The following CDK14 variants were observed in gnomAD, a reference collection of about 807,000 sequenced individuals.
CDK14 encodes the protein cyclin dependent kinase 14, also known as cyclin-dependent kinase 14.
In CDK14, 34 loss-of-function variants were observed where a neutral mutation model predicts 60.7. That is an observed-to-expected ratio of 0.56 (90% CI 0.43 to 0.75). CDK14 has a LOEUF of 0.75. Ranked by LOEUF, CDK14 falls within the 30% of genes least tolerant of loss-of-function variation. The pLI is 0.00. For synonymous variants in CDK14, 197 were observed against 203.7 expected (o/e 0.97, Z 0.28); for missense variants, 482 against 564.1 (o/e 0.85, Z 1.47).
chr7:90,797,843 GA>G lies in CDK14; in HGVS notation c.544+7192del, dbSNP rs148218500. ...CTATTGATATGACAACACGAAGGGG[GA>G]TGGTGTTAAACCATGATAAACCACC... On this transcript the variant is annotated intron_variant, in intron 5 of 14. Transcript: ENST00000380050. 2.6e-3 allele frequency among the ~76,000 whole-genome samples: 399 copies of G among 152,028 alleles called. 4 individuals carry two copies. The highest frequency in any genetic ancestry group is 4.2e-3 in the Non-Finnish European group (285 of 68,020).
chr7:91,033,280 C>T (rs1417880314), intron 10 of CDK14, among the ~76,000 whole-genome samples: 1 of 152,172 alleles, frequency 6.6e-6, no homozygotes, highest in Non-Finnish European at 1.5e-5. Flanking sequence ...GTTTTCCATG[C>T]AGTCTTTATC....
At chr7:90,834,874 A>C (rs975180447) in intron 5 of CDK14, among the ~76,000 whole-genome samples, 6 of 152,198 alleles carry the variant, frequency 3.9e-5, no homozygotes, top group Non-Finnish European at 7.3e-5. Context: ...TTGGCAGCTG[A>C]TGTATAAGGC....
At chr7:90,979,861 T>C (rs139419097) in intron 9 of CDK14, 1 of 152,332 alleles carries the variant, frequency 6.6e-6, no homozygotes, top group African/African-American at 2.4e-5. Context: ...TTTTACTTTG[T>C]TTTCCTGAAT....
rs575258906 is a variant in CDK14 at position 90,883,067 on chromosome 7, G to C, written c.640-16224G>C. On this transcript the variant is annotated intron_variant, in intron 6 of 14. Coordinates refer to ENST00000380050, the MANE Select transcript of CDK14 (RefSeq NM_001287135.2). ...CAATAGCAAATGAATCCAAAAGCTA[G>C]CAGAAGACAGGAAATAACTAAGATC... Among the ~76,000 whole-genome samples the C allele has an allele frequency of 1.4e-3, 216 of 151,766 alleles. 1 individual carries two copies. The highest frequency in any genetic ancestry group is 2.3e-3 in the Non-Finnish European group (158 of 67,954).
chr7:90,784,329 G>A (rs752041022), intron 4 of CDK14, among the ~76,000 whole-genome samples: 3 of 151,940 alleles, frequency 2.0e-5, no homozygotes, highest in Admixed American at 2.0e-4. Context: ...ACAGATAGAA[G>A]GAATAAGACC....
chr7:90,756,953 AT>A (rs920091313), intron 4 of CDK14, among the ~76,000 whole-genome samples: 72 of 152,266 alleles, frequency 4.7e-4, no homozygotes, highest in African/African-American at 1.7e-3. Context: ...CATAAGCTTC[AT>A]TGTATTAGTT....
chr7:91,152,677 C>A (rs1213099933), intron 14 of CDK14, among the ~76,000 whole-genome samples: 1 of 152,102 alleles, frequency 6.6e-6, no homozygotes, highest in Non-Finnish European at 1.5e-5. Flanking sequence ...GCTTAGGGAA[C>A]TGACAAATGA....
chr7:90,667,769 C>A (rs2116522008), intron 2 of CDK14, among the ~76,000 whole-genome samples: 1 of 152,218 alleles, frequency 6.6e-6, no homozygotes, highest in East Asian at 1.9e-4. Context: ...CGGGGTTTCA[C>A]CGTGTTAGCC....
chr7:90,720,519 TCTATTTAAGCATTGTTTACTGAC>T (rs1232536324), intron 2 of CDK14, among the ~76,000 whole-genome samples: 5 of 152,194 alleles, frequency 3.3e-5, no homozygotes, highest in South Asian at 4.1e-4. Flanking sequence ...CCAATTTGTT[TCTATTTAAGCATTGTTTACTGAC>T]CTAATTAAAT....
chr7:91,206,988 G>A (rs2116028967), intron 14 of CDK14, among the ~76,000 whole-genome samples, 177 bp from the exon 15 acceptor site: 1 of 152,238 alleles, frequency 6.6e-6, no homozygotes, highest in Admixed American at 6.5e-5. Context: ...TATCATATTA[G>A]AAGGATTTTT....
intron 14 of CDK14, among the ~76,000 whole-genome samples, chr7:91,139,641 A>T (rs1304280355): frequency 6.6e-6 from 1 of 152,246 alleles, no homozygotes; most frequent in Non-Finnish European, 1.5e-5. Context: ...AAAAGTTTGA[A>T]TGAATGATTT....
intron 6 of CDK14, among the ~76,000 whole-genome samples, chr7:90,891,820 T>C (rs1792134447): frequency 6.6e-6 from 1 of 152,194 alleles, no homozygotes; most frequent in African/African-American, 2.4e-5. Context: ...TGGAAACAAA[T>C]ACATGTGTTC....
At position 90,911,512 on chromosome 7, in the gene CDK14, C is replaced by T. The variant is rs148569354; in HGVS notation, c.703-6089C>T. On this transcript the variant is annotated intron_variant, in intron 7 of 14. Transcript: ENST00000380050. ...ATCTTCTGAAAGCCCTGAGAGACCC[C>T]GCACATTCCTTAAAAGAAGTTGACA... 2.4e-4 allele frequency among the ~76,000 whole-genome samples: 37 copies of T among 152,212 alleles called. 1 individual carries two copies. In the East Asian group the frequency reaches 6.2e-3, roughly 25 times the overall value.
intron 11 of CDK14, among the ~76,000 whole-genome samples, chr7:91,065,402 T>G (rs1797946375): frequency 6.6e-6 from 1 of 152,206 alleles, no homozygotes; most frequent in African/African-American, 2.4e-5. Flanking sequence ...GTAACATACA[T>G]ATTATTCTAA....
intron 10 of CDK14, among the ~76,000 whole-genome samples, chr7:91,002,813 G>A (rs1795878264): frequency 6.6e-6 from 1 of 152,112 alleles, no homozygotes. Context: ...GTGGTTCACA[G>A]CTGTAATTCA....
At chr7:90,912,711 G>C (rs117265655) in intron 7 of CDK14, among the ~76,000 whole-genome samples, 21 of 152,130 alleles carry the variant, frequency 1.4e-4, no homozygotes, top group African/African-American at 4.8e-4. Context: ...GGGCTCAAGC[G>C]ATCTTCCCAC....
At chr7:91,018,305 G>A (rs931090643) in intron 10 of CDK14, among the ~76,000 whole-genome samples, 4 of 152,100 alleles carry the variant, frequency 2.6e-5, no homozygotes, top group Non-Finnish European at 5.9e-5. Context: ...GAACATAAGA[G>A]AACTGTCTTA....
chr7:91,119,886 G>A (rs1199444238), intron 14 of CDK14, among the ~76,000 whole-genome samples: 1 of 152,130 alleles, frequency 6.6e-6, no homozygotes, highest in Admixed American at 6.5e-5. Context: ...TGAATAAAAA[G>A]CACAACTCTC....
chr7:90,782,810 C>T (rs563870461), intron 4 of CDK14, among the ~76,000 whole-genome samples: 41 of 152,154 alleles, frequency 2.7e-4, no homozygotes, highest in African/African-American at 9.4e-4. Context: ...GCATTTTTGT[C>T]TCAACATAAG....
Sources: gnomAD v4.1 joint callset for allele counts (sites outside exome capture counted in the v4.1 genomes callset) on GRCh38, gnomAD v4.1.1 for gene constraint, MANE v1.5 for transcripts, NCBI Gene and HGNC (gene_info 2026-07-23, HGNC 2026-07-21) for gene names.